Variants in NTM observed in about 807,000 individuals in gnomAD.
The protein encoded by NTM is IgLON family member 2.
A neutral mutation model predicts 42.1 loss-of-function variants in NTM; 13 were observed. That is an observed-to-expected ratio of 0.31 (90% CI 0.20 to 0.49). NTM has a LOEUF of 0.49. NTM is among the 20% of genes least tolerant of loss of function. The pLI, the probability that NTM is intolerant of heterozygous loss-of-function variation, is 0.99. For missense variants in NTM, 373 were observed against 452.8 expected (o/e 0.82, Z 1.60); for synonymous variants, 187 against 179.2 (o/e 1.04, Z -0.35).
intron 7 of NTM, among the ~76,000 whole-genome samples, chr11:132,318,489 T>G (rs1056878640): frequency 2.0e-5 from 3 of 152,128 alleles, no homozygotes; most frequent in Non-Finnish European, 4.4e-5. Context: ...TCCCTTTACA[T>G]CCTCTTCCAC....
chr11:131,644,755 T>C (rs2134263356), intron 1 of NTM, among the ~76,000 whole-genome samples: 1 of 146,528 alleles, frequency 6.8e-6, no homozygotes, highest in South Asian at 2.2e-4. Flanking sequence ...GATTGAAAGA[T>C]ACATTTTTTT....
In NTM at chr11:132,134,705, GTATATATATATATATATATATA is replaced by G. The variant is rs57297229; in HGVS notation, c.168-11543_168-11522del. On this transcript the variant is annotated intron_variant, in intron 2 of 8. Transcript: ENST00000683400. ...TTTTATGGCCGAGTAGTATTCCATG[GTATATATATATATATATATATA>G]TATATATATATATATATATATATAT... is the stretch of plus-strand genomic sequence containing the variant. 4.2e-3 allele frequency among the ~76,000 whole-genome samples: 321 copies of G among 75,964 alleles called. 17 individuals are homozygous for G. Among genetic ancestry groups the G allele is most frequent in the East Asian group, 0.029 (21 of 724 alleles). The allele number at this position is 75,964 out of a possible 152,430, so 49.8% of individuals were successfully genotyped here. A position where few individuals can be genotyped will look rare whatever the true frequency, so the allele number is the denominator to read the frequency against.
chr11:131,964,483 T>C (rs1206856778), intron 2 of NTM, among the ~76,000 whole-genome samples: 2 of 152,220 alleles, frequency 1.3e-5, no homozygotes, highest in Non-Finnish European at 2.9e-5. Context: ...TGAATTTATT[T>C]TGATTTTTGT....
At chr11:132,247,105 C>T (rs2091289619) in intron 4 of NTM, among the ~76,000 whole-genome samples, 1 of 152,204 alleles carries the variant, frequency 6.6e-6, no homozygotes, top group Non-Finnish European at 1.5e-5. Context: ...GTTTTCACCC[C>T]CAAGTGTGGC....
At chr11:131,605,760 A>C in intron 1 of NTM, 1 of 982,640 alleles carries the variant, frequency 1.0e-6, no homozygotes, top group Non-Finnish European at 1.2e-6. Flanking sequence ...GTTTGAAAAA[A>C]ATAAATAAAG....
intron 3 of NTM, among the ~76,000 whole-genome samples, chr11:132,173,365 G>A (rs1449217734): frequency 6.6e-6 from 1 of 152,066 alleles, no homozygotes; most frequent in African/African-American, 2.4e-5. Flanking sequence ...AGCGAAGTGG[G>A]GTCTCCGGAA....
chr11:131,746,579 GTC>G (rs1308585997), intron 1 of NTM, among the ~76,000 whole-genome samples: 7 of 152,118 alleles, frequency 4.6e-5, no homozygotes, highest in South Asian at 4.1e-4. Flanking sequence ...TAAGCATGTT[GTC>G]TGTCTCCTCC....
chr11:131,456,586 G>T (rs1315347604), intron 1 of NTM, among the ~76,000 whole-genome samples: 1 of 152,060 alleles, frequency 6.6e-6, no homozygotes, highest in Non-Finnish European at 1.5e-5. Context: ...CAAAGAGGGG[G>T]TTCAGCTCAG....
chr11:131,451,135 G>T (rs941858504), intron 1 of NTM, among the ~76,000 whole-genome samples: 5 of 151,902 alleles, frequency 3.3e-5, no homozygotes, highest in African/African-American at 9.7e-5. Flanking sequence ...GAAAAAAAAA[G>T]GTATACATGC....
At chr11:131,377,163 G>A (rs1467799895) in intron 1 of NTM, among the ~76,000 whole-genome samples, 1 of 152,174 alleles carries the variant, frequency 6.6e-6, no homozygotes, top group Non-Finnish European at 1.5e-5. Context: ...GGGAAGAGGA[G>A]GTGCACACCC....
At chr11:131,767,074 T>C (rs999629668) in intron 1 of NTM, 10 of 796,358 alleles carry the variant, frequency 1.3e-5, no homozygotes, top group African/African-American at 1.9e-5. Flanking sequence ...TCTGTGTGTG[T>C]CTGCTTTTGT....
intron 1 of NTM, among the ~76,000 whole-genome samples, chr11:131,736,024 G>C (rs1379640714): frequency 6.6e-6 from 1 of 152,066 alleles, no homozygotes; most frequent in Admixed American, 6.6e-5. Flanking sequence ...GTAGAGACAG[G>C]GTTTTGCCAT....
At chr11:131,990,252 C>A (rs1346737441) in intron 2 of NTM, among the ~76,000 whole-genome samples, 4 of 152,096 alleles carry the variant, frequency 2.6e-5, no homozygotes, top group African/African-American at 9.7e-5. Context: ...TAACCTCAAT[C>A]GAAATCCAGT....
At chr11:131,443,953 C>T (rs1002044220) in intron 1 of NTM, among the ~76,000 whole-genome samples, 1 of 152,104 alleles carries the variant, frequency 6.6e-6, no homozygotes, top group African/African-American at 2.4e-5. Context: ...TTTGCTGCAA[C>T]CTCATAAGAG....
At chr11:132,320,085 G>T (rs2095526321) in intron 7 of NTM, among the ~76,000 whole-genome samples, 1 of 152,194 alleles carries the variant, frequency 6.6e-6, no homozygotes, top group Non-Finnish European at 1.5e-5. Context: ...CTAACAAACA[G>T]AAAGGACATC....
At chr11:131,433,532 T>G (rs948068284) in intron 1 of NTM, among the ~76,000 whole-genome samples, 1 of 152,198 alleles carries the variant, frequency 6.6e-6, no homozygotes, top group African/African-American at 2.4e-5. Context: ...AGTGTACTTT[T>G]CAGTTACTTC....
intron 1 of NTM, among the ~76,000 whole-genome samples, chr11:131,502,167 C>T (rs1046027784): frequency 6.6e-6 from 1 of 152,064 alleles, no homozygotes. Flanking sequence ...TTGAAATCCT[C>T]ACCCCCCAGA....
intron 4 of NTM, among the ~76,000 whole-genome samples, chr11:132,233,281 A>G (rs11222980): frequency 0.11 from 16,729 of 152,180 alleles, 1,530 homozygotes; most frequent in African/African-American, 0.25. Flanking sequence ...TTAGCCAGGT[A>G]TGGTGGTACA....
intron 1 of NTM, among the ~76,000 whole-genome samples, chr11:131,694,245 G>A (rs1446255420): frequency 6.6e-6 from 1 of 152,234 alleles, no homozygotes; most frequent in Admixed American, 6.5e-5. Context: ...ATTATTATTA[G>A]TGAGAATGTA....
Sources: allele counts gnomAD v4.1 joint callset (sites outside exome capture counted in the v4.1 genomes callset), GRCh38; gene constraint gnomAD v4.1.1; transcripts MANE v1.5; gene names NCBI Gene and HGNC (gene_info 2026-07-23, HGNC 2026-07-21).